Variants in PPP1R12B observed in about 807,000 individuals in gnomAD.
PPP1R12B encodes myosin phosphatase target subunit 2.
Under a neutral mutation model 126.1 loss-of-function variants are expected in PPP1R12B, and 76 were observed. That is an observed-to-expected ratio of 0.60 (90% CI 0.50 to 0.73). The LOEUF is 0.73. PPP1R12B is among the 30% of genes least tolerant of loss of function. The pLI, the probability that PPP1R12B is intolerant of heterozygous loss-of-function variation, is 0.00. For synonymous variants in PPP1R12B, 356 were observed against 434.7 expected (o/e 0.82, Z 2.25); for missense variants, 1,052 against 1,205.1 (o/e 0.87, Z 1.88).
At position 202,419,775 on chromosome 1, in the gene PPP1R12B, G is replaced by A. The variant is rs1338423827; in HGVS notation, c.423-2845G>A. Among the ~76,000 whole-genome samples the A allele has an allele frequency of 6.6e-6, 1 of 152,132 alleles. No individual in the cohort carries two copies. Among genetic ancestry groups the A allele is most frequent in the African/African-American group, 2.4e-5 (1 of 41,424 alleles). On this transcript the variant is annotated intron_variant, in intron 2 of 23. Coordinates refer to ENST00000608999, the MANE Select transcript of PPP1R12B (RefSeq NM_002481.4). The surrounding 1 kb of genome is among the most constrained non-coding windows in gnomAD (Gnocchi z 4.6). ...TAGTAATGAGGAAGACCCAGTTGTT[G>A]CTATTAACCAAAAACTATCTGAGGC...
chr1:202,420,109 G>A (rs569390773), intron 2 of PPP1R12B, among the ~76,000 whole-genome samples: 101 of 152,316 alleles, frequency 6.6e-4, no homozygotes, highest in Non-Finnish European at 1.2e-3. Flanking sequence ...AAAAGGTAAG[G>A]CAGCTTCTTG....
At chr1:202,574,952 GTC>G in intron 23 of PPP1R12B, 2 of 1,512,902 alleles carry the variant, frequency 1.3e-6, no homozygotes, top group Non-Finnish European at 9.1e-7. Context: ...GGTCTGTCTT[GTC>G]TCTCTCTGTC....
chr1:202,365,575 A>C (rs1659074073), intron 1 of PPP1R12B, among the ~76,000 whole-genome samples: 1 of 152,236 alleles, frequency 6.6e-6, no homozygotes. Flanking sequence ...AAGAAGAATC[A>C]AAGAAGGTAA....
chr1:202,519,152 T>C (rs1682483283), intron 18 of PPP1R12B, among the ~76,000 whole-genome samples: 1 of 152,210 alleles, frequency 6.6e-6, no homozygotes, highest in African/African-American at 2.4e-5. Flanking sequence ...TGCATTGTGG[T>C]GAAATTAAAC....
intron 13 of PPP1R12B, among the ~76,000 whole-genome samples, chr1:202,482,783 A>G (rs1183076255): frequency 2.0e-5 from 3 of 152,038 alleles, no homozygotes; most frequent in Non-Finnish European, 2.9e-5. Context: ...TTTGTTTCCT[A>G]TGCTTTTGAA....
chr1:202,373,545 A>G (rs1470665695), intron 1 of PPP1R12B, among the ~76,000 whole-genome samples: 1 of 152,086 alleles, frequency 6.6e-6, no homozygotes, highest in Non-Finnish European at 1.5e-5. Context: ...GTGGATATCC[A>G]GTTGTCCCAG....
chr1:202,438,383 T>A, intron 10 of PPP1R12B: 1 of 697,554 alleles, frequency 1.4e-6, no homozygotes. Flanking sequence ...CCAATTCCCG[T>A]CCCCCCAGCG....
In PPP1R12B at chr1:202,452,569, C is replaced by T. The variant is rs182331620; in HGVS notation, c.1850+3398C>T. ...GAGGGAGAGGGAGACCGTGGGGAGA[C>T]GGGAGAGGAGGAGGGGGAGGGGGAG... On this transcript the variant is annotated intron_variant, in intron 13 of 23. Coordinates refer to ENST00000608999, the MANE Select transcript of PPP1R12B (RefSeq NM_002481.4). 3.2e-4 allele frequency among the ~76,000 whole-genome samples: 46 copies of T among 145,394 alleles called. No individual in the cohort carries two copies. The East Asian group carries it at 7.4e-3, about 23-fold the overall frequency.
chr1:202,513,217 G>A (rs1257376642), intron 18 of PPP1R12B, among the ~76,000 whole-genome samples: 1 of 151,990 alleles, frequency 6.6e-6, no homozygotes, highest in Non-Finnish European at 1.5e-5. Flanking sequence ...CAGGTGATCC[G>A]CCCGCCTCAG....
intron 18 of PPP1R12B, among the ~76,000 whole-genome samples, chr1:202,522,694 AT>A (rs1176121276): frequency 6.6e-6 from 1 of 152,188 alleles, no homozygotes; most frequent in African/African-American, 2.4e-5. Flanking sequence ...ACACTGAAAG[AT>A]AAAAAAATAC....
rs1245970828 is a variant in PPP1R12B at position 202,504,353 on chromosome 1, A to G, written c.2490+7531A>G. 2.0e-5 allele frequency among the ~76,000 whole-genome samples: 3 copies of G among 152,270 alleles called. No individual in the cohort carries two copies. The East Asian group carries it at 5.8e-4, about 29-fold the overall frequency. ...GGTGGCAGTGAGCCAAGATCGCACC[A>G]CTGCACATCAGTCTGGGCAACAGAG... On this transcript the variant is annotated intron_variant, in intron 18 of 23. Transcript: ENST00000608999.
Position 202,584,415 on chromosome 1 carries a change from A to T in PPP1R12B, c.*3855A>T, listed in dbSNP as rs1267127437. 1.3e-5 allele frequency: 2 copies of T among 152,262 alleles called. No homozygotes were observed. Among genetic ancestry groups the T allele is most frequent in the Admixed American group, 1.3e-4 (2 of 15,290 alleles). 9.4% of individuals were successfully genotyped at this position (152,262 alleles called of 1,614,324 possible). A position where few individuals can be genotyped will look rare whatever the true frequency, so the allele number is the denominator to read the frequency against. On this transcript the variant is annotated 3_prime_UTR_variant, in exon 24 of 24. Coordinates refer to ENST00000608999, the MANE Select transcript of PPP1R12B (RefSeq NM_002481.4). Reference sequence around the variant, plus strand: ...CAGGAAGCAAGGAAGCTAAAACTCAAGTTAATGGTCTGTGGATCCCACGAA... The same window carrying T: ...CAGGAAGCAAGGAAGCTAAAACTCATGTTAATGGTCTGTGGATCCCACGAA...
chr1:202,472,606 T>C (rs1430614610), intron 13 of PPP1R12B, among the ~76,000 whole-genome samples: 1 of 152,186 alleles, frequency 6.6e-6, no homozygotes, highest in Admixed American at 6.5e-5. Flanking sequence ...GGCTGGCATG[T>C]TTTTAATGGA....
In PPP1R12B at chr1:202,556,545, G is replaced by GA. The variant is rs528226179; in HGVS notation, c.2491-2323dup. Among the ~76,000 whole-genome samples the GA allele has an allele frequency of 4.6e-4, 69 of 151,106 alleles. 1 individual carries two copies. Among genetic ancestry groups the GA allele is most frequent in the South Asian group, 1.0e-3 (5 of 4,764 alleles). ...TATCTCTTCTGGATCTTTGTTATCA[G>GA]AAAAAAAAATGTGTGTTTGTGTGTG... On this transcript the variant is annotated intron_variant, in intron 18 of 23. Transcript: ENST00000608999.
chr1:202,484,065 C>T (rs1677758842), intron 13 of PPP1R12B, among the ~76,000 whole-genome samples: 1 of 152,142 alleles, frequency 6.6e-6, no homozygotes, highest in African/African-American at 2.4e-5. Flanking sequence ...TCCGTTCAGC[C>T]ACTCTATATC....
chr1:202,432,516 C>T (rs1417757593), intron 8 of PPP1R12B, among the ~76,000 whole-genome samples: 1 of 152,152 alleles, frequency 6.6e-6, no homozygotes, highest in East Asian at 1.9e-4. Context: ...ATCCACCTGC[C>T]TTGGCCTCCC....
chr1:202,497,011 CTG>C (rs890671848), intron 18 of PPP1R12B, among the ~76,000 whole-genome samples, 189 bp downstream of exon 18: 9 of 152,190 alleles, frequency 5.9e-5, no homozygotes, highest in African/African-American at 1.9e-4. Context: ...GTAACAGTGC[CTG>C]TGCTCTTGAA....
chr1:202,472,885 C>A (rs1295638536), intron 13 of PPP1R12B, among the ~76,000 whole-genome samples: 1 of 152,178 alleles, frequency 6.6e-6, no homozygotes, highest in African/African-American at 2.4e-5. Flanking sequence ...GTCACACAGC[C>A]TTGCCTATTC....
chr1:202,355,076 T>G (rs1424532363), intron 1 of PPP1R12B, among the ~76,000 whole-genome samples: 1 of 151,940 alleles, frequency 6.6e-6, no homozygotes, highest in Non-Finnish European at 1.5e-5. Flanking sequence ...AGCTAATTTT[T>G]GTATTTTTAG....
Sources: allele counts gnomAD v4.1 joint callset (sites outside exome capture counted in the v4.1 genomes callset), GRCh38; gene constraint gnomAD v4.1.1; non-coding constraint Gnocchi (gnomAD v3.1); transcripts MANE v1.5; gene names NCBI Gene and HGNC (gene_info 2026-07-23, HGNC 2026-07-21).